SHISA6: variants seen among roughly 807,000 people sequenced by gnomAD.
SHISA6 encodes the protein protein shisa-6.
In SHISA6, 22 loss-of-function variants were observed where a neutral mutation model predicts 47.9. The observed-to-expected ratio is 0.46, with a 90% CI of 0.33 to 0.66. The LOEUF is 0.66. Ranked by LOEUF, SHISA6 falls within the 30% of genes least tolerant of loss-of-function variation. SHISA6 has a pLI of 0.02. For missense variants in SHISA6, 680 were observed against 764.6 expected, an observed-to-expected ratio of 0.89 and a Z score of 1.30; for synonymous variants, 388 against 337.8, an observed-to-expected ratio of 1.15 and a Z score of -1.63.
intron 3 of SHISA6, among the ~76,000 whole-genome samples, chr17:11,535,068 C>A (rs1050946816): frequency 6.6e-6 from 1 of 151,958 alleles, no homozygotes; most frequent in Non-Finnish European, 1.5e-5. Context: ...GCAGAGGTTG[C>A]GGTGAGGGTG....
intron 2 of SHISA6, among the ~76,000 whole-genome samples, chr17:11,280,030 C>T (rs780350461): frequency 2.0e-5 from 3 of 152,116 alleles, no homozygotes; most frequent in Non-Finnish European, 4.4e-5. Context: ...GCTGCTTGGG[C>T]GTTCTGAGCC....
intron 2 of SHISA6, among the ~76,000 whole-genome samples, chr17:11,278,444 C>T (rs536512938): frequency 7.9e-5 from 12 of 152,202 alleles, no homozygotes; most frequent in Middle Eastern, 3.2e-3. Context: ...TGTGTCTCCT[C>T]GCCCATATGT....
intron 3 of SHISA6, among the ~76,000 whole-genome samples, chr17:11,469,756 G>C (rs1247358800): frequency 6.6e-6 from 1 of 152,168 alleles, no homozygotes; most frequent in Non-Finnish European, 1.5e-5. Flanking sequence ...TCATGAGGAA[G>C]CAGTTTTCTC....
At chr17:11,415,033 G>C (rs906418334) in intron 3 of SHISA6, among the ~76,000 whole-genome samples, 1 of 151,378 alleles carries the variant, frequency 6.6e-6, no homozygotes, top group Non-Finnish European at 1.5e-5. Context: ...AGCTGAGATC[G>C]TGCCATTGCA....
At chr17:11,421,449 G>C (rs1914448845) in intron 3 of SHISA6, among the ~76,000 whole-genome samples, 1 of 152,166 alleles carries the variant, frequency 6.6e-6, no homozygotes, top group Non-Finnish European at 1.5e-5. Flanking sequence ...TACAGTTCAA[G>C]GGCTTACAGC....
At chr17:11,413,082 C>G (rs2142274521) in intron 3 of SHISA6, among the ~76,000 whole-genome samples, 1 of 152,262 alleles carries the variant, frequency 6.6e-6, no homozygotes, top group Middle Eastern at 3.4e-3. Flanking sequence ...GCTGTGATTC[C>G]TACCCACGTG....
intron 3 of SHISA6, among the ~76,000 whole-genome samples, chr17:11,389,552 G>T (rs987835356): frequency 6.6e-6 from 1 of 152,230 alleles, no homozygotes; most frequent in Non-Finnish European, 1.5e-5. Context: ...CGGGAAGTCT[G>T]TTATAACCCT....
intron 1 of SHISA6, among the ~76,000 whole-genome samples, chr17:11,250,944 A>G (rs897231699): frequency 6.6e-6 from 1 of 152,164 alleles, no homozygotes; most frequent in Admixed American, 6.5e-5. Flanking sequence ...ACTCTGTACC[A>G]GCATCCAGCT....
chr17:11,541,476 A>G lies in SHISA6; in HGVS notation c.896-10420A>G, dbSNP rs73288809. 4.3e-3 allele frequency among the ~76,000 whole-genome samples: 656 copies of G among 152,312 alleles called. 3 individuals are homozygous for G. Among genetic ancestry groups the G allele is most frequent in the African/African-American group, 0.015 (621 of 41,578 alleles). Reference sequence around the variant, plus strand: ...AGAACTGCAAAGAGTCCCATGTGGAATCTTTCTTTTTTCATTTCTGAAAAT... The same window carrying G: ...AGAACTGCAAAGAGTCCCATGTGGAGTCTTTCTTTTTTCATTTCTGAAAAT... On this transcript the variant is annotated intron_variant, in intron 3 of 5. Transcript: ENST00000441885.
At chr17:11,328,066 A>G (rs894303068) in intron 2 of SHISA6, among the ~76,000 whole-genome samples, 8 of 152,202 alleles carry the variant, frequency 5.3e-5, no homozygotes, top group Non-Finnish European at 1.0e-4. Context: ...TTCTTCGGCA[A>G]TTACTAGTTG....
In SHISA6 at chr17:11,367,444, A is replaced by C. The variant is rs973466052; in HGVS notation, c.800-11970A>C. Among the ~76,000 whole-genome samples, 3 of 152,220 alleles carry C rather than the reference A, an allele frequency of 2.0e-5. No individual in the cohort carries two copies. The South Asian group carries it at 6.2e-4, about 32-fold the overall frequency. On this transcript the variant is annotated intron_variant, in intron 2 of 5. Transcript: ENST00000441885. ...TCATGAGTTGAAGGGCACAGAGAAC[A>C]GGGAACACTGGAGGTTTCAGGAACA...
intron 2 of SHISA6, among the ~76,000 whole-genome samples, chr17:11,294,740 C>T (rs1433199309): frequency 6.6e-6 from 1 of 151,896 alleles, no homozygotes; most frequent in Non-Finnish European, 1.5e-5. Context: ...TTATATATAC[C>T]CTGCACAAAT....
chr17:11,438,981 G>A lies in SHISA6; in HGVS notation c.895+59472G>A, dbSNP rs554533645. On this transcript the variant is annotated intron_variant, in intron 3 of 5. Transcript: ENST00000441885. Reference sequence around the variant, plus strand: ...AGCAAGGATGAAGGGCAGGGAAAGAGACGGGAAGTAAATATAAAGATTCAA... The same window carrying A: ...AGCAAGGATGAAGGGCAGGGAAAGAAACGGGAAGTAAATATAAAGATTCAA... 2.0e-5 allele frequency among the ~76,000 whole-genome samples: 3 copies of A among 152,224 alleles called. No individual in the cohort carries two copies. In the South Asian group the frequency reaches 6.2e-4, roughly 32 times the overall value.
chr17:11,409,477 G>A (rs1024757305), intron 3 of SHISA6, among the ~76,000 whole-genome samples: 13 of 152,180 alleles, frequency 8.5e-5, no homozygotes, highest in African/African-American at 2.6e-4. Flanking sequence ...AGGCTGAGGC[G>A]GGCGGATCAC....
chr17:11,404,464 A>G (rs1017416046), intron 3 of SHISA6, among the ~76,000 whole-genome samples: 5 of 152,188 alleles, frequency 3.3e-5, no homozygotes, highest in Non-Finnish European at 5.9e-5. Flanking sequence ...GACAGAGGAA[A>G]GAAAATATCT....
Position 11,554,922 on chromosome 17 carries a change from C to T in SHISA6, c.953-818C>T, listed in dbSNP as rs575573504. Reference sequence around the variant, plus strand: ...CTCCCATCAGCCATCCTCTCATCTCCCTTTCACCTTTTCTCCCACTTTTCC... The same window carrying T: ...CTCCCATCAGCCATCCTCTCATCTCTCTTTCACCTTTTCTCCCACTTTTCC... On this transcript the variant is annotated intron_variant, in intron 4 of 5. Coordinates refer to ENST00000441885, the MANE Select transcript of SHISA6 (RefSeq NM_207386.4). Among the ~76,000 whole-genome samples the T allele has an allele frequency of 6.6e-5, 10 of 152,238 alleles. 1 individual carries two copies. Among genetic ancestry groups the T allele is most frequent in the African/African-American group, 2.4e-4 (10 of 41,554 alleles).
At chr17:11,452,344 C>T (rs1915422771) in intron 3 of SHISA6, among the ~76,000 whole-genome samples, 2 of 152,288 alleles carry the variant, frequency 1.3e-5, no homozygotes, top group South Asian at 2.1e-4. Flanking sequence ...CCCATGTGCT[C>T]ACATCCCATG....
intron 3 of SHISA6, among the ~76,000 whole-genome samples, chr17:11,386,122 A>T (rs1444522031): frequency 6.6e-6 from 1 of 152,118 alleles, no homozygotes; most frequent in African/African-American, 2.4e-5. Context: ...TTCCTAATAA[A>T]AAGTTACAAG....
intron 2 of SHISA6, among the ~76,000 whole-genome samples, chr17:11,328,986 A>G (rs1321937787): frequency 3.9e-5 from 6 of 152,242 alleles, no homozygotes; most frequent in Non-Finnish European, 8.8e-5. Context: ...GGTGATGATG[A>G]TAACAATAAA....
Sources: allele counts gnomAD v4.1 joint callset (sites outside exome capture counted in the v4.1 genomes callset), GRCh38; gene constraint gnomAD v4.1.1; transcripts MANE v1.5; gene names NCBI Gene and HGNC (gene_info 2026-07-23, HGNC 2026-07-21).